The following CALN1 variants were observed in gnomAD, a reference collection of about 807,000 sequenced individuals.
CALN1 encodes the protein calcium-binding protein 8.
In CALN1, 17 loss-of-function variants were observed where a neutral mutation model predicts 30.6. The ratio of observed to expected loss-of-function variants is 0.56; its 90% CI spans 0.38 to 0.83. CALN1 has a LOEUF of 0.83. Among genes scored for constraint, CALN1 ranks in the 40% least tolerant of loss-of-function variants. CALN1 has a pLI of 0.00. For synonymous variants in CALN1, 156 were observed against 131.4 expected (o/e 1.19, Z -1.28); for missense variants, 291 against 354.9 (o/e 0.82, Z 1.45).
intron 2 of CALN1, among the ~76,000 whole-genome samples, chr7:72,302,156 G>A (rs1175315111): frequency 6.6e-6 from 1 of 152,084 alleles, no homozygotes; most frequent in Non-Finnish European, 1.5e-5. Context: ...CAGAACAAGA[G>A]AACAGAGACC....
At chr7:72,294,750 T>TAAATAAATA (rs1798734009) in intron 2 of CALN1, among the ~76,000 whole-genome samples, 25 of 147,938 alleles carry the variant, frequency 1.7e-4, no homozygotes, top group African/African-American at 5.8e-4. Flanking sequence ...TCTAAAAAAG[T>TAAATAAATA]AATAAATAAA....
chr7:71,964,723 T>C (rs912071327), intron 5 of CALN1, among the ~76,000 whole-genome samples: 6 of 151,732 alleles, frequency 4.0e-5, no homozygotes, highest in Admixed American at 1.3e-4. Flanking sequence ...TTCCAAAGTA[T>C]AGATATATTT....
intron 4 of CALN1, among the ~76,000 whole-genome samples, chr7:72,092,707 T>G (rs1487332537): frequency 6.6e-6 from 1 of 152,024 alleles, no homozygotes; most frequent in Non-Finnish European, 1.5e-5. Context: ...TATTTCTACT[T>G]TGTTCCCTTC....
intron 5 of CALN1, among the ~76,000 whole-genome samples, chr7:71,990,337 C>T (rs924753134): frequency 1.3e-5 from 2 of 152,200 alleles, no homozygotes; most frequent in Admixed American, 1.3e-4. Context: ...TTGCCCACAC[C>T]TTTCCTGGAA....
At chr7:71,972,891 C>T (rs1562947729) in intron 5 of CALN1, among the ~76,000 whole-genome samples, 1 of 152,110 alleles carries the variant, frequency 6.6e-6, no homozygotes, top group Non-Finnish European at 1.5e-5. Flanking sequence ...GTTTGTTCCC[C>T]ATATTTTGCA....
intron 5 of CALN1, among the ~76,000 whole-genome samples, chr7:72,008,287 A>G (rs796333212): frequency 1.3e-5 from 2 of 152,296 alleles, no homozygotes; most frequent in African/African-American, 4.8e-5. Context: ...ACATTCTCCC[A>G]AATAACTATT....
intron 3 of CALN1, among the ~76,000 whole-genome samples, chr7:72,220,071 AG>A (rs1312071477): frequency 4.0e-5 from 6 of 151,614 alleles, no homozygotes; most frequent in African/African-American, 1.5e-4. Context: ...TTTAAGTTTT[AG>A]GGTACACGTG....
chr7:71,967,639 A>AAAAAAAAAAAG (rs555970609), intron 5 of CALN1, among the ~76,000 whole-genome samples: 3 of 142,652 alleles, frequency 2.1e-5, no homozygotes, highest in African/African-American at 5.4e-5. Context: ...AAAAAAAAAA[A>AAAAAAAAAAAG]AAAGAAAGAA....
intron 5 of CALN1, among the ~76,000 whole-genome samples, chr7:71,963,712 T>C (rs1478021743): frequency 6.6e-6 from 1 of 151,958 alleles, no homozygotes; most frequent in Non-Finnish European, 1.5e-5. Flanking sequence ...TTATATGTAA[T>C]ACTGATACAT....
intron 4 of CALN1, among the ~76,000 whole-genome samples, chr7:72,097,736 CAG>C (rs1396425331): frequency 7.9e-5 from 12 of 151,168 alleles, no homozygotes; most frequent in African/African-American, 2.7e-4. Flanking sequence ...TTTTTTGAGA[CAG>C]AGTCTCACTA....
intron 3 of CALN1, among the ~76,000 whole-genome samples, chr7:72,248,729 G>A (rs1460084566): frequency 3.3e-5 from 5 of 151,828 alleles, no homozygotes; most frequent in African/African-American, 1.2e-4. Flanking sequence ...CAGGAATTAG[G>A]ACACGCACAT....
intron 4 of CALN1, among the ~76,000 whole-genome samples, chr7:72,076,302 TA>T (rs113129693): frequency 6.8e-4 from 96 of 141,094 alleles, no homozygotes; most frequent in Admixed American, 1.0e-3. Context: ...AATTAAAAAT[TA>T]AAAAAAAAAA....
At chr7:71,963,483 T>G (rs955871354) in intron 5 of CALN1, among the ~76,000 whole-genome samples, 14 of 152,230 alleles carry the variant, frequency 9.2e-5, no homozygotes, top group Non-Finnish European at 1.9e-4. Flanking sequence ...GTTTGTATTT[T>G]TAGTAGAGAC....
intron 4 of CALN1, among the ~76,000 whole-genome samples, chr7:72,048,904 C>CCT (rs1802659039): frequency 1.3e-5 from 2 of 151,902 alleles, no homozygotes; most frequent in African/African-American, 2.4e-5. Context: ...TCAACATTTT[C>CCT]GGCCCAAGCA....
intron 2 of CALN1, among the ~76,000 whole-genome samples, chr7:72,372,060 CA>C (rs1175449918): frequency 6.6e-6 from 1 of 152,114 alleles, no homozygotes; most frequent in Non-Finnish European, 1.5e-5. Context: ...TAGGTATTAG[CA>C]AAACAGGGAA....
intron 3 of CALN1, among the ~76,000 whole-genome samples, chr7:72,211,051 C>T (rs1163665390): frequency 6.6e-6 from 1 of 152,022 alleles, no homozygotes; most frequent in Non-Finnish European, 1.5e-5. Flanking sequence ...AAGACCCTAT[C>T]TCTAAAAAAA....
intron 2 of CALN1, among the ~76,000 whole-genome samples, chr7:72,286,753 C>G (rs1170616211): frequency 1.3e-5 from 2 of 152,182 alleles, no homozygotes; most frequent in Non-Finnish European, 2.9e-5. Context: ...AGCAAAAACA[C>G]TAACGTAGTG....
chr7:72,033,665 C>T (rs923190963), intron 4 of CALN1, among the ~76,000 whole-genome samples: 2 of 152,262 alleles, frequency 1.3e-5, no homozygotes, highest in Admixed American at 6.5e-5. Context: ...AGGTGACCGA[C>T]CACCCTTCAT....
At chr7:72,209,984 A>C (rs954732641) in intron 3 of CALN1, among the ~76,000 whole-genome samples, 1 of 152,200 alleles carries the variant, frequency 6.6e-6, no homozygotes, top group Non-Finnish European at 1.5e-5. Flanking sequence ...AAACAAAGTC[A>C]TAAGAGGGTG....
Sources: allele counts gnomAD v4.1 joint callset (sites outside exome capture counted in the v4.1 genomes callset), GRCh38; gene constraint gnomAD v4.1.1; transcripts MANE v1.5; gene names NCBI Gene and HGNC (gene_info 2026-07-23, HGNC 2026-07-21).